Variants in CUEDC2 observed in about 807,000 individuals in gnomAD.
The protein encoded by CUEDC2 is CUE domain-containing protein 2.
Under a neutral mutation model 36.0 loss-of-function variants are expected in CUEDC2, and 10 were observed. The ratio of observed to expected loss-of-function variants is 0.28; its 90% CI spans 0.17 to 0.47. The LOEUF (loss-of-function observed/expected upper bound fraction) is 0.47. CUEDC2 is among the 20% of genes least tolerant of loss of function. The probability of loss-of-function intolerance (pLI) is 0.99; values close to 1 mark genes in which losing one functional copy is unlikely to be tolerated. For missense variants in CUEDC2, 269 were observed against 368.1 expected, an observed-to-expected ratio of 0.73 and a Z score of 2.20; for synonymous variants, 133 against 141.8, an observed-to-expected ratio of 0.94 and a Z score of 0.44.
intron 1 of CUEDC2, among the ~76,000 whole-genome samples, chr10:102,427,894 C>T (rs1434919225): frequency 2.6e-5 from 4 of 152,162 alleles, no homozygotes; most frequent in African/African-American, 9.7e-5. Context: ...ACCATACCTT[C>T]CTGGATCATT....
chr10:102,423,943 C>G lies in CUEDC2; in HGVS notation c.594+53G>C. ...GATAGGTAGGGGTTGGGGCTTAACA[C>G]CAAGGTGGAATGTAGCTGAGGCTAC... On this transcript the variant is annotated intron_variant, in intron 6 of 8. Coordinates refer to ENST00000369937, the MANE Select transcript of CUEDC2 (RefSeq NM_024040.3). This position sits in a 1 kb window ranked among gnomAD's most constrained non-coding sequence, Gnocchi z 5.6. 6.2e-7 allele frequency: 1 copy of G among 1,604,270 alleles called. No individual in the cohort carries two copies. The highest frequency in any genetic ancestry group is 8.5e-7 in the Non-Finnish European group (1 of 1,175,050).
At chr10:102,428,127 G>T (rs938978908) in intron 1 of CUEDC2, among the ~76,000 whole-genome samples, 2 of 152,120 alleles carry the variant, frequency 1.3e-5, no homozygotes, top group African/African-American at 4.8e-5. Context: ...TTCTAGTAGA[G>T]ACAGGGTTTC....
chr10:102,427,011 T>A (rs1490972933), intron 1 of CUEDC2, among the ~76,000 whole-genome samples: 1 of 152,048 alleles, frequency 6.6e-6, no homozygotes, highest in African/African-American at 2.4e-5. Flanking sequence ...CAGGTTTTAG[T>A]CTAATTAGGT....
chr10:102,427,184 C>T (rs564403157), intron 1 of CUEDC2, among the ~76,000 whole-genome samples: 43 of 152,218 alleles, frequency 2.8e-4, no homozygotes, highest in African/African-American at 9.9e-4. Flanking sequence ...GCCATTTCTT[C>T]GAAGGCCCTT....
chr10:102,424,920 G>T lies in CUEDC2; in HGVS notation c.75-128C>A. Reference sequence around the variant, plus strand: ...CTAGACCTTTATCTTTAAGGCCAGAGAGTATAACCCCCTCCCTCAGAGCTA... The same window carrying T: ...CTAGACCTTTATCTTTAAGGCCAGATAGTATAACCCCCTCCCTCAGAGCTA... On this transcript the variant is annotated intron_variant, in intron 2 of 8. Coordinates refer to ENST00000369937, the MANE Select transcript of CUEDC2 (RefSeq NM_024040.3). This position sits in a 1 kb window ranked among gnomAD's most constrained non-coding sequence, Gnocchi z 4.2. The T allele has an allele frequency of 9.3e-7, 1 of 1,073,158 alleles. No homozygotes were observed. Among genetic ancestry groups the T allele is most frequent in the Non-Finnish European group, 1.3e-6 (1 of 746,432 alleles). 66.5% of individuals were successfully genotyped at this position (1,073,158 alleles called of 1,614,324 possible).
chr10:102,425,026 G>T, intron 2 of CUEDC2, 89 bp downstream of exon 2: 1 of 1,177,692 alleles, frequency 8.5e-7, no homozygotes. Flanking sequence ...CAGCCCTCCT[G>T]CTGTCTTTCC....
intron 1 of CUEDC2, among the ~76,000 whole-genome samples, chr10:102,429,821 CTTTTT>C (rs55659266): frequency 7.5e-6 from 1 of 133,100 alleles, no homozygotes; most frequent in Non-Finnish European, 1.6e-5. Flanking sequence ...CAGTTTCTTT[CTTTTT>C]TTTTTTTTTT....
At position 102,430,142 on chromosome 10, in the gene CUEDC2, T is replaced by TA. The variant is rs1565238089; in HGVS notation, c.-11+2383_-11+2384insT. Among the ~76,000 whole-genome samples, 28 of 105,994 alleles carry TA rather than the reference T, an allele frequency of 2.6e-4. 1 individual carries two copies. Among genetic ancestry groups the TA allele is most frequent in the African/African-American group, 1.0e-3 (28 of 27,052 alleles). 69.5% of individuals were successfully genotyped at this position (105,994 alleles called of 152,430 possible). A position where few individuals can be genotyped will look rare whatever the true frequency, so the allele number is the denominator to read the frequency against. On this transcript the variant is annotated intron_variant, in intron 1 of 8. Coordinates refer to ENST00000369937, the MANE Select transcript of CUEDC2 (RefSeq NM_024040.3). ...AAAGCCCAGGTTTTCTTTTTTTTTT[T>TA]TTAATTTTATTTATTTATTTATTTA...
chr10:102,426,358 C>T (rs574770524), intron 1 of CUEDC2, among the ~76,000 whole-genome samples: 8 of 152,232 alleles, frequency 5.3e-5, no homozygotes, highest in Admixed American at 2.0e-4. Flanking sequence ...CAGAAGGCTC[C>T]GAGGCACCAC....
At position 102,424,299 on chromosome 10, in the gene CUEDC2, A is replaced by C. The variant is rs931238803; in HGVS notation, c.376T>G (p.Ser126Ala). ...RPEMLKEETR[S>A]SAAAAADTQD... ...GTGTCTGCAGCAGCAGCAGCCGAAG[A>C]CCTAGTCTCTTCTTTGAGCATTTCG... is the stretch of plus-strand genomic sequence containing the variant. Residue 126 changes from serine to alanine, a missense_variant, in exon 5 of 9, where the codon TCT (serine) becomes GCT (alanine). Coordinates refer to ENST00000369937, the MANE Select transcript of CUEDC2 (RefSeq NM_024040.3). This position sits in a 1 kb window ranked among gnomAD's most constrained non-coding sequence, Gnocchi z 4.2. 6.2e-7 allele frequency: 1 copy of C among 1,614,006 alleles called. No individual in the cohort carries two copies.
At chr10:102,428,606 G>A (rs1364345836) in intron 1 of CUEDC2, among the ~76,000 whole-genome samples, 2 of 152,208 alleles carry the variant, frequency 1.3e-5, no homozygotes, top group Non-Finnish European at 2.9e-5. Context: ...TTCCTTGGCT[G>A]GGCACGGTGC....
At chr10:102,425,057 C>T (rs1263852947) in intron 2 of CUEDC2, 58 bp downstream of exon 2, 1 of 1,458,098 alleles carries the variant, frequency 6.9e-7, no homozygotes, top group Non-Finnish European at 9.6e-7. Context: ...ACCCATAGTA[C>T]TGCCCGGCAG....
chr10:102,423,639 A>G lies in CUEDC2; in HGVS notation c.717+18T>C. The G allele has an allele frequency of 1.9e-6, 3 of 1,614,162 alleles. No homozygotes were observed. Among genetic ancestry groups the G allele is most frequent in the Non-Finnish European group, 2.5e-6 (3 of 1,180,020 alleles). The stretch of plus-strand genomic sequence containing the variant: ...GTCCCACCCATTCCGCATCCCCAGC[A>G]ACCCTTAACTCTCTCACCTCCTTGG... On this transcript the variant is annotated intron_variant, in intron 8 of 8. Transcript: ENST00000369937. The surrounding 1 kb of genome is among the most constrained non-coding windows in gnomAD (Gnocchi z 5.6).
At chr10:102,426,602 G>A (rs1421414980) in intron 1 of CUEDC2, among the ~76,000 whole-genome samples, 2 of 151,912 alleles carry the variant, frequency 1.3e-5, no homozygotes, top group Non-Finnish European at 2.9e-5. Flanking sequence ...TCCTGAGTCT[G>A]GCTTCTGCTC....
rs532839181 is a variant in CUEDC2 at position 102,425,122 on chromosome 10, C to T, written c.67G>A (p.Asp23Asn). The change falls in exon 2 of 9, where the codon GAC becomes AAC. Residue 23 changes from aspartate (D) to asparagine (N), a missense_variant. Transcript: ENST00000369937. Reference protein sequence around the residue: ...AFVQTHLPEADLSGLDEVIFS... With the variant: ...AFVQTHLPEANLSGLDEVIFS... ...CGGGGGACCCGTCTCTACCTGAGGTCGGCCTCCGGGAGGTGTGTCTGGACA... is the reference window on the plus strand; with the variant it reads ...CGGGGGACCCGTCTCTACCTGAGGTTGGCCTCCGGGAGGTGTGTCTGGACA... 1.6e-5 allele frequency: 26 copies of T among 1,613,524 alleles called. No homozygotes were observed. The highest frequency in any genetic ancestry group is 5.0e-5 in the Admixed American group (3 of 60,024).
intron 1 of CUEDC2, among the ~76,000 whole-genome samples, chr10:102,428,209 G>A (rs1213232583): frequency 2.0e-5 from 3 of 151,740 alleles, no homozygotes; most frequent in Admixed American, 6.6e-5. Context: ...CCAAAGTGCT[G>A]GGATTACAGG....
chr10:102,431,380 G>T (rs149977211), intron 1 of CUEDC2, among the ~76,000 whole-genome samples: 187 of 152,318 alleles, frequency 1.2e-3, no homozygotes, highest in African/African-American at 4.2e-3. Context: ...CTGACCTCAG[G>T]CAATCCACCC....
Position 102,423,930 on chromosome 10 carries a change from T to A in CUEDC2, c.594+66A>T. ...GGAAACAGATGGGGATAGGTAGGGG[T>A]TGGGGCTTAACACCAAGGTGGAATG... On this transcript the variant is annotated intron_variant, in intron 6 of 8. Transcript: ENST00000369937. The surrounding 1 kb of genome is among the most constrained non-coding windows in gnomAD (Gnocchi z 5.6). The A allele has an allele frequency of 3.7e-6, 6 of 1,601,632 alleles. No individual in the cohort carries two copies. In the South Asian group the frequency reaches 6.7e-5, roughly 18 times the overall value.
Position 102,424,750 on chromosome 10 carries a change from C to T in CUEDC2, c.117G>A (p.Leu39=), listed in dbSNP as rs893461359. 6.2e-7 allele frequency: 1 copy of T among 1,614,026 alleles called. No homozygotes were observed. The highest frequency in any genetic ancestry group is 8.5e-7 in the Non-Finnish European group (1 of 1,179,998). Residue 39 remains leucine (L), a synonymous_variant, in exon 3 of 9, where the codon CTG becomes CTA. Coordinates refer to ENST00000369937, the MANE Select transcript of CUEDC2 (RefSeq NM_024040.3). The surrounding 1 kb of genome is among the most constrained non-coding windows in gnomAD (Gnocchi z 4.2). ...EVIFSYVLGV[L]EDLGPSGPSE... is the part of the protein sequence containing the mutation. The stretch of plus-strand genomic sequence containing the variant: ...ATGGGCCCGAGGGGCCCAGGTCCTC[C>T]AGGACCCCAAGCACATAGGAGAAGA...
Sources: gnomAD v4.1 joint callset for allele counts (sites outside exome capture counted in the v4.1 genomes callset) on GRCh38, gnomAD v4.1.1 for gene constraint, Gnocchi (gnomAD v3.1) non-coding constraint, MANE v1.5 for transcripts, NCBI Gene and HGNC (gene_info 2026-07-23, HGNC 2026-07-21) for gene names.